TRIM71: variants seen among roughly 807,000 people sequenced by gnomAD.
TRIM71 encodes tripartite motif containing 71.
In TRIM71, 9 loss-of-function variants were observed where a neutral mutation model predicts 61.2. The observed-to-expected ratio is 0.15, with a 90% CI of 0.09 to 0.26. The LOEUF (loss-of-function observed/expected upper bound fraction) is 0.26, where lower values mean the gene tolerates loss of function less well. TRIM71 is among the 10% of genes least tolerant of loss of function. The pLI, the probability that TRIM71 is intolerant of heterozygous loss-of-function variation, is 1.00. For synonymous variants in TRIM71, 645 were observed against 553.2 expected (o/e 1.17, Z -2.33); for missense variants, 998 against 1,238.7 (o/e 0.81, Z 2.92).
intron 1 of TRIM71, among the ~76,000 whole-genome samples, chr3:32,851,627 C>A (rs999559595): frequency 3.9e-5 from 6 of 152,102 alleles, no homozygotes; most frequent in East Asian, 1.9e-4. Context: ...TACAAGTGCC[C>A]GCCACTACGC....
rs1325460604 is a variant in TRIM71 at position 32,818,859 on chromosome 3, T to C, written c.779T>C (p.Phe260Ser). The change falls in exon 1 of 4, where the codon TTT (phenylalanine) becomes TCT (serine). Residue 260 changes from phenylalanine (F) to serine (S), a missense_variant. Around this residue, in one of 5 missense-constraint regions of TRIM71, gnomAD observed 527 missense variants for 427.8 expected, o/e 1.23. Transcript: ENST00000383763. Reference sequence around the variant, plus strand: ...CAGCAGCTCGGGCTCGGGCCGCCCTTTCCCGGCCCGCCCTTCTCCATCCTC... The same window carrying C: ...CAGCAGCTCGGGCTCGGGCCGCCCTCTCCCGGCCCGCCCTTCTCCATCCTC... ...AAQQLGLGPPFPGPPFSILSV... is the reference protein window; with the variant it reads ...AAQQLGLGPPSPGPPFSILSV... 6.2e-7 allele frequency: 1 copy of C among 1,612,304 alleles called. No individual in the cohort carries two copies.
In TRIM71 at chr3:32,818,306, C is replaced by G. The variant is rs1696081486; in HGVS notation, c.226C>G (p.Pro76Ala). Residue 76 changes from proline (P) to alanine (A), a missense_variant, in exon 1 of 4, where the codon CCG (proline) becomes GCG (alanine). This residue lies in a region of TRIM71 where 527 missense variants were observed against 427.8 expected (regional missense o/e 1.23). Transcript: ENST00000383763. The stretch of plus-strand genomic sequence containing the variant: ...CCCCTGCCTCGAGGCGCACCGGCTG[C>G]CGGCGGCGGGCGGCGGCGCGGCGGG... ...CRPCLEAHRL[P>A]AAGGGAAGEP... 4.2e-6 allele frequency: 6 copies of G among 1,436,608 alleles called. No individual in the cohort carries two copies. The highest frequency in any genetic ancestry group is 5.4e-6 in the Non-Finnish European group (6 of 1,100,980). The allele number at this position is 1,436,608 out of a possible 1,614,324, so 89.0% of individuals were successfully genotyped here.
chr3:32,824,341 C>G (rs900980359), intron 1 of TRIM71, among the ~76,000 whole-genome samples: 1 of 151,454 alleles, frequency 6.6e-6, no homozygotes, highest in Non-Finnish European at 1.5e-5. Flanking sequence ...CCTTGTCCGG[C>G]TAATTTTTTT....
chr3:32,885,427 C>G (rs1357657416), intron 2 of TRIM71, among the ~76,000 whole-genome samples: 2 of 152,070 alleles, frequency 1.3e-5, no homozygotes, highest in Non-Finnish European at 2.9e-5. Flanking sequence ...ACTTGGTGTT[C>G]GTTCTGGCTG....
chr3:32,824,024 G>A (rs965361792), intron 1 of TRIM71, among the ~76,000 whole-genome samples: 5 of 151,680 alleles, frequency 3.3e-5, no homozygotes, highest in African/African-American at 7.3e-5. Flanking sequence ...GCAGTGATCC[G>A]AGATCGTGCC....
intron 3 of TRIM71, among the ~76,000 whole-genome samples, chr3:32,887,376 T>C (rs1696972614): frequency 6.6e-6 from 1 of 152,034 alleles, no homozygotes; most frequent in African/African-American, 2.4e-5. Flanking sequence ...GCCCAAAAAT[T>C]CATCCTCAGA....
rs183283496 is a variant in TRIM71, at chr3:32,845,757, G to C, written c.852+26825G>C. On this transcript the variant is annotated intron_variant, in intron 1 of 3. Transcript: ENST00000383763. The stretch of plus-strand genomic sequence containing the variant: ...GAAACAGAGTCTCTCTGTCACCCAG[G>C]CTGGAGTGCAATGGAGTGATCTCAG... Among the ~76,000 whole-genome samples, 414 of 151,798 alleles carry C rather than the reference G, an allele frequency of 2.7e-3. 2 individuals are homozygous for C. Among genetic ancestry groups the C allele is most frequent in the African/African-American group, 9.7e-3 (401 of 41,366 alleles).
intron 1 of TRIM71, among the ~76,000 whole-genome samples, chr3:32,844,351 T>C (rs1301357625): frequency 1.3e-5 from 2 of 152,230 alleles, no homozygotes; most frequent in African/African-American, 4.8e-5. Flanking sequence ...GCACACTGTT[T>C]TGTTTTGTGA....
intron 1 of TRIM71, among the ~76,000 whole-genome samples, chr3:32,833,928 C>A (rs1696304333): frequency 6.6e-6 from 1 of 152,108 alleles, no homozygotes; most frequent in Non-Finnish European, 1.5e-5. Context: ...CTTCATTTTC[C>A]TAAAACAACA....
intron 2 of TRIM71, among the ~76,000 whole-genome samples, chr3:32,874,324 T>C (rs9836355): frequency 0.036 from 4,380 of 121,480 alleles, 175 homozygotes; most frequent in African/African-American, 0.14. Context: ...TTAATGCTTA[T>C]TACTACTACT....
chr3:32,876,022 G>C (rs1440185475), intron 2 of TRIM71, among the ~76,000 whole-genome samples: 2 of 152,120 alleles, frequency 1.3e-5, no homozygotes, highest in Non-Finnish European at 2.9e-5. Flanking sequence ...AGACTTTCTT[G>C]AATGACTAAT....
chr3:32,891,928 CTTT>C lies in TRIM71; in HGVS notation c.*121_*123del. ...AGAAGAAACAGTCTCAGGGAAATTT[CTTT>C]TTTCTTTTTTTTTTTTAAAGAGAAC... On this transcript the variant is annotated 3_prime_UTR_variant, in exon 4 of 4. Transcript: ENST00000383763. This position sits in a 1 kb window ranked among gnomAD's most constrained non-coding sequence, Gnocchi z 8.2. 1.5e-6 allele frequency: 2 copies of C among 1,373,944 alleles called. No individual in the cohort carries two copies. Among genetic ancestry groups the C allele is most frequent in the Non-Finnish European group, 1.9e-6 (2 of 1,049,556 alleles). The allele number at this position is 1,373,944 out of a possible 1,614,324, so 85.1% of individuals were successfully genotyped here.
chr3:32,820,305 A>T (rs1696113749), intron 1 of TRIM71, among the ~76,000 whole-genome samples: 1 of 152,214 alleles, frequency 6.6e-6, no homozygotes, highest in African/African-American at 2.4e-5. Context: ...GATGGCCTTT[A>T]GCTGGCTTCT....
chr3:32,893,705 A>G lies in TRIM71; in HGVS notation c.*1894A>G, dbSNP rs995856658. On this transcript the variant is annotated 3_prime_UTR_variant, in exon 4 of 4. Coordinates refer to ENST00000383763, the MANE Select transcript of TRIM71 (RefSeq NM_001039111.3). ...TGGAGCAATTTGTTTCTGTTATCCC[A>G]ATAGAAAAGGAGATGATGGGGACAG... 3.9e-5 allele frequency: 6 copies of G among 152,218 alleles called. No homozygotes were observed. The highest frequency in any genetic ancestry group is 2.0e-4 in the Admixed American group (3 of 15,284). 9.4% of individuals were successfully genotyped at this position (152,218 alleles called of 1,614,324 possible).
At chr3:32,867,216 C>T (rs1334291431) in intron 1 of TRIM71, among the ~76,000 whole-genome samples, 1 of 151,522 alleles carries the variant, frequency 6.6e-6, no homozygotes, top group Non-Finnish European at 1.5e-5. Flanking sequence ...TGTTATATTG[C>T]TTGTTTAGCC....
At chr3:32,863,662 T>G (rs1559545664) in intron 1 of TRIM71, among the ~76,000 whole-genome samples, 1 of 152,116 alleles carries the variant, frequency 6.6e-6, no homozygotes, top group African/African-American at 2.4e-5. Flanking sequence ...TTCTTGTATG[T>G]AGGTATATTT....
intron 1 of TRIM71, among the ~76,000 whole-genome samples, chr3:32,866,595 G>A (rs951814955): frequency 2.0e-5 from 3 of 152,206 alleles, no homozygotes; most frequent in African/African-American, 2.4e-5. Context: ...ACATGGTGGT[G>A]TGCTACTGGA....
chr3:32,861,900 T>TCCCAGTGCAGC (rs1323767322), intron 1 of TRIM71, among the ~76,000 whole-genome samples: 6 of 152,180 alleles, frequency 3.9e-5, no homozygotes, highest in African/African-American at 1.4e-4. Context: ...GCCTCGGCAA[T>TCCCAGTGCAGC]CCCAGTGCAG....
intron 1 of TRIM71, among the ~76,000 whole-genome samples, chr3:32,852,868 A>C (rs72851694): frequency 0.014 from 2,117 of 152,292 alleles, 51 homozygotes; most frequent in African/African-American, 0.048. Flanking sequence ...GAGAATAGCA[A>C]AAGGTATTTG....
Sources: gnomAD v4.1 joint callset for allele counts (sites outside exome capture counted in the v4.1 genomes callset) on GRCh38, gnomAD v4.1.1 for gene constraint, gnomAD v4.1.1 regional missense constraint, Gnocchi (gnomAD v3.1) non-coding constraint, MANE v1.5 for transcripts, NCBI Gene and HGNC (gene_info 2026-07-23, HGNC 2026-07-21) for gene names.